The following THTPA variants were observed in gnomAD, a reference collection of about 807,000 sequenced individuals.
The protein encoded by THTPA is thiamine triphosphatase.
A neutral mutation model predicts 16.5 loss-of-function variants in THTPA; 16 were observed. That is an observed-to-expected ratio of 0.97 (90% confidence interval 0.66 to 1.47). The LOEUF (loss-of-function observed/expected upper bound fraction) is 1.47. THTPA is among the 40% of genes most tolerant of loss of function. The pLI, the probability that THTPA is intolerant of heterozygous loss-of-function variation, is 0.00. For missense variants in THTPA, 281 were observed against 280.9 expected (o/e 1.00, Z 0.00); for synonymous variants, 110 against 115.5 (o/e 0.95, Z 0.30).
chr14:23,515,972 G>A, the THTPA span, among the ~76,000 whole-genome samples: 15 of 152,128 alleles, frequency 9.9e-5, no homozygotes. Flanking sequence ...GGGAGTCGGG[G>A]TGATGTCAGA....
chr14:23,558,843 G>C lies in THTPA; in HGVS notation c.*3G>C. The C allele has an allele frequency of 6.2e-7, 1 of 1,613,836 alleles. No individual in the cohort carries two copies. The highest frequency in any genetic ancestry group is 2.2e-5 in the East Asian group (1 of 44,890). ...ATCCTGACCACTGCCTGGGCTAGGG[G>C]TGTCACTTCCTAGAAGGGGAAGGGA... On this transcript the variant is annotated 3_prime_UTR_variant, in exon 2 of 2. Transcript: ENST00000288014.
At chr14:23,521,925 C>CT in the THTPA span, 1 of 1,534,696 alleles carries the variant, frequency 6.5e-7, no homozygotes, top group Non-Finnish European at 8.7e-7. Flanking sequence ...AGAGGGAGCC[C>CT]TGAGGCCCTC....
chr14:23,515,921 G>A, the THTPA span, among the ~76,000 whole-genome samples: 12 of 152,192 alleles, frequency 7.9e-5, no homozygotes, highest in African/African-American at 7.2e-5. Context: ...AACAGCCAAC[G>A]TGAGCAGAAG....
At chr14:23,523,687 T>C in the THTPA span, 44 of 1,537,844 alleles carry the variant, frequency 2.9e-5, no homozygotes, top group Admixed American at 3.9e-5. This position sits in a 1 kb window ranked among gnomAD's most constrained non-coding sequence, Gnocchi z 4.1. Flanking sequence ...TGCGGTAAGC[T>C]TCATAGCAGG....
chr14:23,523,345 T>TG, the THTPA span: 1 of 1,465,836 alleles, frequency 6.8e-7, no homozygotes. This position sits in a 1 kb window ranked among gnomAD's most constrained non-coding sequence, Gnocchi z 4.1. Context: ...CCTTGAGAGC[T>TG]GGGGGAGCCT....
At chr14:23,546,029 G>A in the THTPA span, among the ~76,000 whole-genome samples, 1 of 152,166 alleles carries the variant, frequency 6.6e-6, no homozygotes, top group African/African-American at 2.4e-5. This position sits in a 1 kb window ranked among gnomAD's most constrained non-coding sequence, Gnocchi z 4.7. Context: ...AGAGGTCCAG[G>A]GCAGTTAGCT....
At chr14:23,525,632 CGGGCAGCCTCGTT>C in the THTPA span, 1 of 1,535,788 alleles carries the variant, frequency 6.5e-7, no homozygotes, top group Non-Finnish European at 8.7e-7. The surrounding 1 kb of genome is among the most constrained non-coding windows in gnomAD (Gnocchi z 5.9). Flanking sequence ...GGCTGCAGTG[CGGGCAGCCTCGTT>C]GGGCAATGGG....
At chr14:23,533,709 G>T in the THTPA span, 3 of 1,543,658 alleles carry the variant, frequency 1.9e-6, no homozygotes, top group Non-Finnish European at 2.6e-6. This position sits in a 1 kb window ranked among gnomAD's most constrained non-coding sequence, Gnocchi z 4.8. Flanking sequence ...GGCCCGCCTG[G>T]AAGCCCTGTA....
At chr14:23,541,784 A>G in the THTPA span, among the ~76,000 whole-genome samples, 1 of 151,788 alleles carries the variant, frequency 6.6e-6, no homozygotes, top group Non-Finnish European at 1.5e-5. Context: ...TTTTCCAAAG[A>G]TCCTTTCCAA....
chr14:23,532,620 T>A, the THTPA span: 2 of 1,460,524 alleles, frequency 1.4e-6, no homozygotes, highest in Non-Finnish European at 1.8e-6. Flanking sequence ...TGCAGCTGCA[T>A]CTTCTCCTTG....
chr14:23,516,231 A>G, the THTPA span, among the ~76,000 whole-genome samples: 1 of 152,206 alleles, frequency 6.6e-6, no homozygotes, highest in Non-Finnish European at 1.5e-5. Flanking sequence ...TGGACACTTG[A>G]AACGTTGAAA....
chr14:23,524,360 C>T, the THTPA span: 12 of 1,536,258 alleles, frequency 7.8e-6, no homozygotes, highest in Non-Finnish European at 8.7e-6. This position sits in a 1 kb window ranked among gnomAD's most constrained non-coding sequence, Gnocchi z 5.6. Context: ...GATGGTGGTG[C>T]GCAGGCGCTT....
upstream of THTPA, chr14:23,555,815 G>A (rs890430634): frequency 1.3e-5 from 2 of 152,498 alleles, no homozygotes; most frequent in Non-Finnish European, 2.9e-5. Context: ...GGTGCGGCGG[G>A]GGGTGTTGGA....
At chr14:23,534,299 G>T in the THTPA span, 1 of 1,534,646 alleles carries the variant, frequency 6.5e-7, no homozygotes, top group Non-Finnish European at 8.7e-7. The surrounding 1 kb of genome is among the most constrained non-coding windows in gnomAD (Gnocchi z 4.5). Flanking sequence ...GGTGGGCTGA[G>T]GGCCATAACT....
chr14:23,524,849 A>C, the THTPA span: 1 of 1,536,538 alleles, frequency 6.5e-7, no homozygotes, highest in Non-Finnish European at 8.7e-7. The surrounding 1 kb of genome is among the most constrained non-coding windows in gnomAD (Gnocchi z 5.6). Context: ...CTCCTCTTCA[A>C]GGGTCTGGTC....
At chr14:23,521,872 G>A in the THTPA span, 6 of 1,503,198 alleles carry the variant, frequency 4.0e-6, no homozygotes, top group Middle Eastern at 2.3e-4. Flanking sequence ...CCAGGGGGTG[G>A]GGTGAGGGAT....
At chr14:23,550,943 C>T in the THTPA span, among the ~76,000 whole-genome samples, 4 of 152,070 alleles carry the variant, frequency 2.6e-5, no homozygotes, top group Admixed American at 6.5e-5. Flanking sequence ...AGCTCTGAGC[C>T]CTCACACTCA....
the THTPA span, among the ~76,000 whole-genome samples, chr14:23,544,691 T>G: frequency 6.6e-6 from 1 of 152,200 alleles, no homozygotes; most frequent in African/African-American, 2.4e-5. Flanking sequence ...GGCCCAGCCC[T>G]AATGAGTGTG....
At chr14:23,531,217 G>A in the THTPA span, 5 of 361,000 alleles carry the variant, frequency 1.4e-5, no homozygotes, top group African/African-American at 8.4e-5. Context: ...AGAATCACTG[G>A]GTGGTTCCTC....
Sources: gnomAD v4.1 joint callset for allele counts (sites outside exome capture counted in the v4.1 genomes callset) on GRCh38, gnomAD v4.1.1 for gene constraint, Gnocchi (gnomAD v3.1) non-coding constraint, MANE v1.5 for transcripts, NCBI Gene and HGNC (gene_info 2026-07-23, HGNC 2026-07-21) for gene names.